TCF7: variants seen among roughly 807,000 people sequenced by gnomAD.
TCF7 encodes T-cell-factor-7.
In TCF7, 19 loss-of-function variants were observed where a neutral mutation model predicts 46.8. The observed-to-expected ratio is 0.41, with a 90% CI of 0.28 to 0.60. The LOEUF is 0.60. Among genes scored for constraint, TCF7 ranks in the 20% least tolerant of loss-of-function variants. TCF7 has a pLI of 0.35. For missense variants in TCF7, 547 were observed against 504.6 expected, an observed-to-expected ratio of 1.08 and a Z score of -0.81; for synonymous variants, 245 against 213.4, an observed-to-expected ratio of 1.15 and a Z score of -1.29.
intron 3 of TCF7, among the ~76,000 whole-genome samples, chr5:134,121,087 C>T (rs1188630117): frequency 2.0e-5 from 3 of 152,178 alleles, no homozygotes; most frequent in Non-Finnish European, 4.4e-5. Flanking sequence ...AGGCCGCCTA[C>T]TTACTGCCCT....
At chr5:134,132,494 C>T (rs898175637) in intron 3 of TCF7, among the ~76,000 whole-genome samples, 4 of 152,222 alleles carry the variant, frequency 2.6e-5, no homozygotes, top group African/African-American at 4.8e-5. Flanking sequence ...CCTGAACAGG[C>T]CTCACCTATC....
chr5:134,132,227 T>C (rs1042310598), intron 3 of TCF7, among the ~76,000 whole-genome samples: 1 of 152,218 alleles, frequency 6.6e-6, no homozygotes, highest in African/African-American at 2.4e-5. Flanking sequence ...CCTAATATCA[T>C]AGGTCTATGT....
intron 3 of TCF7, among the ~76,000 whole-genome samples, chr5:134,121,632 G>A (rs188130271): frequency 2.3e-3 from 356 of 151,988 alleles, no homozygotes; most frequent in African/African-American, 8.2e-3. Context: ...CATCAGCCTG[G>A]GAAGCCGTGG....
intron 5 of TCF7, among the ~76,000 whole-genome samples, chr5:134,140,274 C>CA (rs1415528781): frequency 2.0e-5 from 3 of 152,188 alleles, no homozygotes; most frequent in African/African-American, 7.2e-5. Flanking sequence ...TCTCAGAACT[C>CA]AGTCTACCTC....
intron 5 of TCF7, 125 bp from the exon 6 acceptor site, chr5:134,142,060 G>A (rs1301758724): frequency 7.4e-7 from 1 of 1,349,864 alleles, no homozygotes; most frequent in Non-Finnish European, 1.0e-6. Flanking sequence ...GTCTAGGCCA[G>A]TAGGATAGAG....
At chr5:134,119,820 C>T (rs549774571) in intron 3 of TCF7, among the ~76,000 whole-genome samples, 31 of 152,360 alleles carry the variant, frequency 2.0e-4, no homozygotes, top group South Asian at 1.2e-3. Context: ...GAGCACCCAC[C>T]GGCCTCCACA....
intron 3 of TCF7, among the ~76,000 whole-genome samples, chr5:134,127,679 C>T (rs1362939934): frequency 6.6e-6 from 1 of 152,226 alleles, no homozygotes; most frequent in Non-Finnish European, 1.5e-5. Flanking sequence ...GCTGCCAGCC[C>T]CACTGGGGCA....
chr5:134,136,729 C>A (rs762761681), intron 3 of TCF7, among the ~76,000 whole-genome samples: 1 of 152,168 alleles, frequency 6.6e-6, no homozygotes, highest in Non-Finnish European at 1.5e-5. Flanking sequence ...GGGCCATGAA[C>A]CCTATTCACT....
At chr5:134,142,959 G>C (rs115128874) in intron 7 of TCF7, 34 bp from the exon 8 acceptor site, 9 of 1,613,184 alleles carry the variant, frequency 5.6e-6, no homozygotes, top group Non-Finnish European at 7.6e-6. Flanking sequence ...CTGACTCCCT[G>C]ATGCACCCCA....
At chr5:134,137,988 T>C in intron 3 of TCF7, 71 bp from the exon 4 acceptor site, 1 of 1,300,128 alleles carries the variant, frequency 7.7e-7, no homozygotes, top group Non-Finnish European at 1.1e-6. Context: ...GGGCTTCCTG[T>C]ATACCCTCAT....
At chr5:134,136,916 C>T (rs532221236) in intron 3 of TCF7, among the ~76,000 whole-genome samples, 20 of 152,192 alleles carry the variant, frequency 1.3e-4, no homozygotes, top group Non-Finnish European at 2.8e-4. Flanking sequence ...TCCCAGCCAA[C>T]AGCATCCTTG....
At chr5:134,112,061 C>A (rs1175390707), upstream of TCF7, among the ~76,000 whole-genome samples, 1 of 151,460 alleles carries the variant, frequency 6.6e-6, no homozygotes, top group African/African-American at 2.4e-5. Flanking sequence ...GTGAAGGAAT[C>A]AGTGCTGACT....
upstream of TCF7, among the ~76,000 whole-genome samples, chr5:134,110,453 G>A (rs1755313989): frequency 6.6e-6 from 1 of 152,146 alleles, no homozygotes; most frequent in Non-Finnish European, 1.5e-5. Flanking sequence ...TTGCCTTTCT[G>A]TAGGTCACAA....
chr5:134,115,487 A>G lies in TCF7; in HGVS notation c.316+100A>G, dbSNP rs1460574772. The G allele has an allele frequency of 4.0e-6, 6 of 1,498,400 alleles. No homozygotes were observed. In the Admixed American group the frequency reaches 6.3e-5, roughly 16 times the overall value. The allele number at this position is 1,498,400 out of a possible 1,614,324, so 92.8% of individuals were successfully genotyped here. ...CCGCGGGGAGCCGGGTGCCTCCCCC[A>G]CCGCAGCTCAGGAGGCGGCAGAACC... On this transcript the variant is annotated intron_variant, in intron 2 of 9. Transcript: ENST00000342854.
In TCF7 at chr5:134,125,118, G is replaced by A. The variant is rs566811668; in HGVS notation, c.441+9085G>A. On this transcript the variant is annotated intron_variant, in intron 3 of 9. Coordinates refer to ENST00000342854, the MANE Select transcript of TCF7 (RefSeq NM_003202.5). ...AGCTCCTTGCAAGCATTGCTCCAGA[G>A]CCAGCCTCCCCACCAGGCAAGAAGG... is the stretch of plus-strand genomic sequence containing the variant. Among the ~76,000 whole-genome samples the A allele has an allele frequency of 3.9e-5, 6 of 152,330 alleles. No homozygotes were observed. The East Asian group carries it at 9.6e-4, about 24-fold the overall frequency.
At position 134,115,101 on chromosome 5, in the gene TCF7, C is replaced by T. The variant is rs953540587; in HGVS notation, c.195C>T (p.Gly65=). The T allele has an allele frequency of 3.1e-5, 33 of 1,070,086 alleles. No homozygotes were observed. The highest frequency in any genetic ancestry group is 8.6e-5 in the African/African-American group (5 of 58,398). 66.3% of individuals were successfully genotyped at this position (1,070,086 alleles called of 1,614,324 possible). A position where few individuals can be genotyped will look rare whatever the true frequency, so the allele number is the denominator to read the frequency against. ...LVNESEGAAG[G]AGIPGVPGAG... is the part of the protein sequence containing the mutation. ...ACGAGTCCGAGGGCGCGGCCGGCGG[C>T]GCAGGGATCCCGGGGGTCCCGGGGG... is the stretch of plus-strand genomic sequence containing the variant. The change falls in exon 1 of 10, where the codon GGC becomes GGT. Residue 65 remains glycine, a synonymous_variant. Transcript: ENST00000342854.
rs143710917 is a variant in TCF7 at position 134,147,007 on chromosome 5, A to T, written c.*704A>T. 2.7e-4 allele frequency: 44 copies of T among 163,116 alleles called. No individual in the cohort carries two copies. In the East Asian group the frequency reaches 8.4e-3, roughly 31 times the overall value. The allele number at this position is 163,116 out of a possible 1,614,324, so 10.1% of individuals were successfully genotyped here. A position where few individuals can be genotyped will look rare whatever the true frequency, so the allele number is the denominator to read the frequency against. ...GCTCAAGATGACAGCTCTTCTAAGG[A>T]AATGGAGAAGCTCTGTTTATAAAAA... On this transcript the variant is annotated 3_prime_UTR_variant, in exon 10 of 10. Coordinates refer to ENST00000342854, the MANE Select transcript of TCF7 (RefSeq NM_003202.5).
intron 9 of TCF7, chr5:134,145,088 C>A: frequency 3.1e-6 from 2 of 642,660 alleles, no homozygotes; most frequent in East Asian, 2.8e-5. Context: ...GAGAGAAAGA[C>A]ACAGAATGTT....
chr5:134,113,340 C>T (rs1755387241), upstream of TCF7, among the ~76,000 whole-genome samples: 1 of 152,148 alleles, frequency 6.6e-6, no homozygotes, highest in East Asian at 1.9e-4. Flanking sequence ...GGCTGGTGTC[C>T]GAGACACCCG....
Sources: gnomAD v4.1 joint callset for allele counts (sites outside exome capture counted in the v4.1 genomes callset) on GRCh38, gnomAD v4.1.1 for gene constraint, MANE v1.5 for transcripts, NCBI Gene and HGNC (gene_info 2026-07-23, HGNC 2026-07-21) for gene names.